Variants in DDO observed in about 807,000 individuals in gnomAD.
The protein encoded by DDO is D-aspartate oxidase, DDO.
In DDO, 16 loss-of-function variants were observed where a neutral mutation model predicts 16.8. The observed-to-expected ratio is 0.95, with a 90% CI of 0.65 to 1.45. The LOEUF (loss-of-function observed/expected upper bound fraction) is 1.45, where lower values mean the gene tolerates loss of function less well. DDO is among the 40% of genes most tolerant of loss of function. The probability of loss-of-function intolerance (pLI) is 0.00; values close to 1 mark genes in which losing one functional copy is unlikely to be tolerated. For missense variants in DDO, 429 were observed against 420.3 expected (o/e 1.02, Z -0.18); for synonymous variants, 180 against 167.2 (o/e 1.08, Z -0.59).
downstream of DDO, among the ~76,000 whole-genome samples, chr6:110,389,000 A>G (rs2114800039): frequency 6.6e-6 from 1 of 152,348 alleles, no homozygotes; most frequent in Admixed American, 6.5e-5. Context: ...AAGGGTGCCT[A>G]GCTAGCTGGC....
chr6:110,405,936 T>C (rs1027651858), intron 3 of DDO, among the ~76,000 whole-genome samples: 30 of 152,010 alleles, frequency 2.0e-4, no homozygotes, highest in Admixed American at 2.0e-4. Flanking sequence ...TGCTCAAAAA[T>C]AGCAAGGAAA....
Position 110,408,186 on chromosome 6 carries a change from G to T in DDO, c.281+148C>A, listed in dbSNP as rs375782417. The T allele has an allele frequency of 3.7e-5, 23 of 628,570 alleles. No individual in the cohort carries two copies. In the African/African-American group the frequency reaches 3.9e-4, roughly 11 times the overall value. The allele number at this position is 628,570 out of a possible 1,614,324, so 38.9% of individuals were successfully genotyped here. A position where few individuals can be genotyped will look rare whatever the true frequency, so the allele number is the denominator to read the frequency against. On this transcript the variant is annotated intron_variant, in intron 3 of 4. Transcript: ENST00000368924. ...ACTTGTCTTTCTTCAGTTCTTTGGG[G>T]TAAAGCCTATAATGCTCTTTCCGAA...
chr6:110,402,982 G>A (rs1284768311), intron 4 of DDO, among the ~76,000 whole-genome samples: 2 of 152,176 alleles, frequency 1.3e-5, no homozygotes, highest in African/African-American at 4.8e-5. Context: ...AATCCAAGAT[G>A]AGAAAGCCAC....
At chr6:110,413,198 A>G (rs1466075337) in intron 2 of DDO, 93 bp downstream of exon 2, 4 of 1,423,344 alleles carry the variant, frequency 2.8e-6, no homozygotes, top group East Asian at 4.6e-5. Context: ...TTACACTTAC[A>G]CCTATAGCCA....
intron 3 of DDO, among the ~76,000 whole-genome samples, chr6:110,405,935 A>T (rs1466046166): frequency 6.6e-6 from 1 of 152,212 alleles, no homozygotes; most frequent in Non-Finnish European, 1.5e-5. Flanking sequence ...TTGCTCAAAA[A>T]TAGCAAGGAA....
At chr6:110,396,996 G>A (rs1997928) in intron 4 of DDO, among the ~76,000 whole-genome samples, 44,716 of 151,970 alleles carry the variant, frequency 0.29, 6,735 homozygotes, top group East Asian at 0.41. Context: ...AAGTGAACAC[G>A]AAGAAAAGAA....
chr6:110,413,326 A>G lies in DDO; in HGVS notation c.137T>C (p.Val46Ala), dbSNP rs762075747. 1 of 1,614,190 alleles carries G rather than the reference A, an allele frequency of 6.2e-7. No individual in the cohort carries two copies. Among genetic ancestry groups the G allele is most frequent in the Non-Finnish European group, 8.5e-7 (1 of 1,180,036 alleles). Residue 46 changes from valine (V) to alanine (A), a missense_variant, in exon 2 of 5, where the codon GTG becomes GCG. Coordinates refer to ENST00000368924, the MANE Select transcript of DDO (RefSeq NM_001372108.2). ...DKFTPDTTSDVAAGMLIPHTY... is the reference protein window; with the variant it reads ...DKFTPDTTSDAAAGMLIPHTY... Reference sequence around the variant, plus strand: ...GTGAGGAATAAGCATTCCGGCTGCCACATCACTGGTGGTATCTGGAGTAAA... The same window carrying G: ...GTGAGGAATAAGCATTCCGGCTGCCGCATCACTGGTGGTATCTGGAGTAAA...
chr6:110,392,294 T>C lies in DDO; in HGVS notation c.*481A>G. The C allele has an allele frequency of 1.0e-6, 1 of 985,746 alleles. No homozygotes were observed. The highest frequency in any genetic ancestry group is 1.2e-6 in the Non-Finnish European group (1 of 830,142). 61.1% of individuals were successfully genotyped at this position (985,746 alleles called of 1,614,324 possible). On this transcript the variant is annotated 3_prime_UTR_variant, in exon 5 of 5. Coordinates refer to ENST00000368924, the MANE Select transcript of DDO (RefSeq NM_001372108.2). ...TGATTTAAATGTTTTCCATACATTA[T>C]CTCCTCCTGTGGATTTATAAGCCAA...
chr6:110,394,363 T>C (rs1007965757), intron 4 of DDO, among the ~76,000 whole-genome samples: 15 of 152,136 alleles, frequency 9.9e-5, no homozygotes, highest in African/African-American at 3.6e-4. Context: ...TGCCTCTGCC[T>C]CCCAAAGTGC....
intron 4 of DDO, among the ~76,000 whole-genome samples, chr6:110,401,061 G>A (rs745442382): frequency 1.5e-4 from 23 of 152,356 alleles, no homozygotes; most frequent in Middle Eastern, 3.4e-3. Context: ...GGAGCCCAAG[G>A]AGTGGCCAAG....
chr6:110,400,643 C>T (rs988233303), intron 4 of DDO, among the ~76,000 whole-genome samples: 1 of 152,228 alleles, frequency 6.6e-6, no homozygotes, highest in Non-Finnish European at 1.5e-5. Context: ...AGCAATGAGC[C>T]CTCTCTCCCA....
chr6:110,415,247 A>T (rs1257556025), intron 1 of DDO, among the ~76,000 whole-genome samples: 1 of 152,228 alleles, frequency 6.6e-6, no homozygotes, highest in Non-Finnish European at 1.5e-5. Flanking sequence ...TCCCATGTCC[A>T]GCAACTCTCT....
intron 4 of DDO, among the ~76,000 whole-genome samples, chr6:110,404,355 T>A (rs546746645): frequency 6.6e-6 from 1 of 152,114 alleles, no homozygotes; most frequent in South Asian, 2.1e-4. Context: ...TGAGAAAAAA[T>A]TCAAAAATAA....
chr6:110,404,952 T>A lies in DDO; in HGVS notation c.282-2A>T. ...GGAGTGCTCTGAAATATCTGCCAAC[T>A]CAAACGTATTAAGTGAACATTTTTT... On this transcript the variant is annotated splice_acceptor_variant, in intron 3 of 4. Transcript: ENST00000368924. LOFTEE classifies it high-confidence loss of function. 6.2e-7 allele frequency: 1 copy of A among 1,613,848 alleles called. No homozygotes were observed. The highest frequency in any genetic ancestry group is 8.5e-7 in the Non-Finnish European group (1 of 1,179,852).
chr6:110,407,703 A>C (rs1331284983), intron 3 of DDO, among the ~76,000 whole-genome samples: 2 of 152,266 alleles, frequency 1.3e-5, no homozygotes, highest in Non-Finnish European at 2.9e-5. Context: ...AGATATTAAA[A>C]GATGTCATGT....
At chr6:110,388,554 A>G (rs1773052396), downstream of DDO, among the ~76,000 whole-genome samples, 1 of 152,084 alleles carries the variant, frequency 6.6e-6, no homozygotes. Flanking sequence ...CTTCTATACA[A>G]CTGTGTCCAC....
At chr6:110,389,650 G>T (rs1672572563), downstream of DDO, among the ~76,000 whole-genome samples, 1 of 152,110 alleles carries the variant, frequency 6.6e-6, no homozygotes, top group Admixed American at 6.5e-5. Flanking sequence ...CATCCTATAT[G>T]GTTGGTCCTA....
At chr6:110,399,276 G>C (rs546129599) in intron 4 of DDO, among the ~76,000 whole-genome samples, 282 of 152,344 alleles carry the variant, frequency 1.9e-3, no homozygotes, top group African/African-American at 6.6e-3. Context: ...TTTTGTGGAA[G>C]TTTGTATTAT....
chr6:110,388,943 G>T, downstream of DDO: 1 of 380,704 alleles, frequency 2.6e-6, no homozygotes, highest in Non-Finnish European at 3.6e-6. Flanking sequence ...TGAAGTAAAT[G>T]AAGATAAGCT....
Sources: allele counts gnomAD v4.1 joint callset (sites outside exome capture counted in the v4.1 genomes callset), GRCh38; gene constraint gnomAD v4.1.1; transcripts MANE v1.5; gene names NCBI Gene and HGNC (gene_info 2026-07-23, HGNC 2026-07-21).